Variants in ALCAM observed in about 807,000 individuals in gnomAD.
ALCAM encodes CD166 antigen.
In ALCAM, 30 loss-of-function variants were observed where a neutral mutation model predicts 70.9. The ratio of observed to expected loss-of-function variants is 0.42; its 90% CI spans 0.32 to 0.57. The LOEUF (loss-of-function observed/expected upper bound fraction) is 0.57, where lower values mean the gene tolerates loss of function less well. Ranked by LOEUF, ALCAM falls within the 20% of genes least tolerant of loss-of-function variation. ALCAM has a pLI of 0.11. For synonymous variants in ALCAM, 249 were observed against 242.5 expected, an observed-to-expected ratio of 1.03 and a Z score of -0.25; for missense variants, 591 against 695.1, an observed-to-expected ratio of 0.85 and a Z score of 1.68.
At chr3:105,402,136 A>T (rs1207601031) in intron 1 of ALCAM, among the ~76,000 whole-genome samples, 1 of 152,240 alleles carries the variant, frequency 6.6e-6, no homozygotes, top group Admixed American at 6.5e-5. Flanking sequence ...TAAATAAAAC[A>T]GCTTACTCTT....
chr3:105,478,665 G>T (rs1400342105), intron 1 of ALCAM, among the ~76,000 whole-genome samples: 1 of 152,076 alleles, frequency 6.6e-6, no homozygotes, highest in Non-Finnish European at 1.5e-5. Flanking sequence ...ATAGTTATCT[G>T]TGAGAGGATC....
chr3:105,421,670 G>A (rs1406907728), intron 1 of ALCAM, among the ~76,000 whole-genome samples: 1 of 151,462 alleles, frequency 6.6e-6, no homozygotes, highest in East Asian at 1.9e-4. Context: ...GGCATTCAAA[G>A]TGGATCTCTC....
chr3:105,490,610 T>G (rs1170184862), intron 1 of ALCAM, among the ~76,000 whole-genome samples: 1 of 152,104 alleles, frequency 6.6e-6, no homozygotes, highest in African/African-American at 2.4e-5. Context: ...TGTTATAGAT[T>G]AGGATTTAGG....
Position 105,576,293 on chromosome 3 carries a change from C to CT in ALCAM, c.*1848dup, listed in dbSNP as rs1940962525. 1 of 152,454 alleles carries CT rather than the reference C, an allele frequency of 6.6e-6. No homozygotes were observed. The highest frequency in any genetic ancestry group is 2.4e-5 in the African/African-American group (1 of 41,416). 9.4% of individuals were successfully genotyped at this position (152,454 alleles called of 1,614,324 possible). ...GTTATCTCTGTAAATACTGTGATTTCTTTTTTATTTTCTCTTTAGAATTTT... is the reference window on the plus strand; with the variant it reads ...GTTATCTCTGTAAATACTGTGATTTCTTTTTTTATTTTCTCTTTAGAATTTT... On this transcript the variant is annotated 3_prime_UTR_variant, in exon 16 of 16. Transcript: ENST00000306107.
intron 1 of ALCAM, among the ~76,000 whole-genome samples, chr3:105,431,845 A>C (rs936741454): frequency 1.3e-5 from 2 of 152,094 alleles, no homozygotes; most frequent in African/African-American, 4.8e-5. Flanking sequence ...TTCTTCCCAA[A>C]CTGAGGACCA....
chr3:105,547,331 T>C, intron 10 of ALCAM, 47 bp downstream of exon 10: 1 of 1,575,614 alleles, frequency 6.3e-7, no homozygotes, highest in Non-Finnish European at 8.6e-7. Flanking sequence ...TTGAGAATTT[T>C]TTACCTGGTT....
intron 1 of ALCAM, among the ~76,000 whole-genome samples, chr3:105,504,677 G>A (rs1488850502): frequency 1.3e-5 from 2 of 152,000 alleles, no homozygotes; most frequent in Non-Finnish European, 1.5e-5. Context: ...TCCTCCAGAC[G>A]ACCACCTGTG....
chr3:105,565,634 G>A (rs1410733032), intron 14 of ALCAM, among the ~76,000 whole-genome samples: 1 of 151,922 alleles, frequency 6.6e-6, no homozygotes, highest in Non-Finnish European at 1.5e-5. Context: ...AGGTCACATT[G>A]CTCTATTTCT....
At chr3:105,399,599 A>C (rs1191635067) in intron 1 of ALCAM, among the ~76,000 whole-genome samples, 8 of 152,174 alleles carry the variant, frequency 5.3e-5, no homozygotes, top group Admixed American at 5.2e-4. Flanking sequence ...AAAAAAGTGA[A>C]TGAAATAAGC....
intron 14 of ALCAM, among the ~76,000 whole-genome samples, chr3:105,564,873 C>T (rs1044938221): frequency 6.6e-6 from 1 of 152,186 alleles, no homozygotes; most frequent in East Asian, 1.9e-4. Context: ...TGGCAAAACC[C>T]TGTCCCTACT....
At chr3:105,420,164 G>T (rs1262054748) in intron 1 of ALCAM, among the ~76,000 whole-genome samples, 1 of 151,648 alleles carries the variant, frequency 6.6e-6, no homozygotes, top group Non-Finnish European at 1.5e-5. Context: ...ACCATAGAGA[G>T]ATGGTTGCCT....
intron 14 of ALCAM, among the ~76,000 whole-genome samples, chr3:105,564,556 T>G (rs1000649789): frequency 7.2e-5 from 11 of 152,246 alleles, no homozygotes; most frequent in African/African-American, 2.4e-4. Flanking sequence ...AATTCTGAGT[T>G]TTCATTTTTA....
intron 3 of ALCAM, among the ~76,000 whole-genome samples, chr3:105,525,901 G>C (rs2152624933): frequency 6.6e-6 from 1 of 152,316 alleles, no homozygotes; most frequent in East Asian, 1.9e-4. Flanking sequence ...AGTCATGCCT[G>C]TTTCCATAAA....
chr3:105,512,867 A>G (rs1174123649), intron 1 of ALCAM, among the ~76,000 whole-genome samples: 1 of 151,944 alleles, frequency 6.6e-6, no homozygotes, highest in Non-Finnish European at 1.5e-5. Flanking sequence ...ATAGTAGGAA[A>G]TAGTCAACTT....
At chr3:105,547,889 A>G (rs1039683354) in intron 11 of ALCAM, among the ~76,000 whole-genome samples, 5 of 151,502 alleles carry the variant, frequency 3.3e-5, no homozygotes, top group Admixed American at 3.3e-4. Context: ...AAATAAGCTC[A>G]TGCATCTCAG....
chr3:105,374,702 G>C (rs1331065630), intron 1 of ALCAM, among the ~76,000 whole-genome samples: 1 of 152,014 alleles, frequency 6.6e-6, no homozygotes, highest in Non-Finnish European at 1.5e-5. Context: ...ATTTTTAGTA[G>C]AGACTGGGTT....
At chr3:105,538,062 G>A (rs954343441) in intron 6 of ALCAM, among the ~76,000 whole-genome samples, 2 of 152,034 alleles carry the variant, frequency 1.3e-5, no homozygotes, top group African/African-American at 4.8e-5. Context: ...TTCATATGTT[G>A]GGAATGTGTA....
At chr3:105,495,899 C>G (rs926550550) in intron 1 of ALCAM, among the ~76,000 whole-genome samples, 3 of 152,216 alleles carry the variant, frequency 2.0e-5, no homozygotes, top group African/African-American at 7.2e-5. Context: ...TGCTTTCCCT[C>G]TCTTGTTTTT....
chr3:105,408,074 T>G (rs1432873230), intron 1 of ALCAM, among the ~76,000 whole-genome samples: 1 of 151,626 alleles, frequency 6.6e-6, no homozygotes, highest in East Asian at 1.9e-4. Context: ...CACAAACAAA[T>G]GAAAACACAC....
Sources: allele counts gnomAD v4.1 joint callset (sites outside exome capture counted in the v4.1 genomes callset), GRCh38; gene constraint gnomAD v4.1.1; transcripts MANE v1.5; gene names NCBI Gene and HGNC (gene_info 2026-07-23, HGNC 2026-07-21).